Variants in RBFOX1 observed in about 807,000 individuals in gnomAD.
RBFOX1 encodes the protein RNA binding fox-1 homolog 1, also known as RNA binding protein fox-1 homolog 1.
RBFOX1 carries 8 observed loss-of-function variants against 57.7 expected under a neutral mutation model. That is an observed-to-expected ratio of 0.14 (90% confidence interval 0.08 to 0.25). RBFOX1 has a LOEUF of 0.25. Among genes scored for constraint, RBFOX1 ranks in the 10% least tolerant of loss-of-function variants. The probability of loss-of-function intolerance (pLI) is 1.00; values close to 1 mark genes in which losing one functional copy is unlikely to be tolerated. For synonymous variants in RBFOX1, 326 were observed against 222.4 expected (o/e 1.47, Z -4.15); for missense variants, 611 against 548.5 (o/e 1.11, Z -1.14).
At chr16:7,437,046 A>G (rs1029609993) in intron 4 of RBFOX1, among the ~76,000 whole-genome samples, 1 of 152,122 alleles carries the variant, frequency 6.6e-6, no homozygotes, top group African/African-American at 2.4e-5. Flanking sequence ...ACACCACTGC[A>G]CTCCAGCCTG....
chr16:6,494,313 A>G (rs2095707020), intron 2 of RBFOX1, among the ~76,000 whole-genome samples: 1 of 152,186 alleles, frequency 6.6e-6, no homozygotes, highest in Non-Finnish European at 1.5e-5. Flanking sequence ...GCCACAGGTA[A>G]GGTACTGAGC....
chr16:6,378,424 G>T (rs1271153969), intron 2 of RBFOX1, among the ~76,000 whole-genome samples: 1 of 152,202 alleles, frequency 6.6e-6, no homozygotes, highest in Non-Finnish European at 1.5e-5. Context: ...GCTGGAAGCA[G>T]CACCGATGGA....
At chr16:7,290,114 A>G (rs1317163871) in intron 4 of RBFOX1, among the ~76,000 whole-genome samples, 1 of 152,222 alleles carries the variant, frequency 6.6e-6, no homozygotes, top group East Asian at 1.9e-4. Flanking sequence ...ACCATTTTAG[A>G]AATAAATGTT....
At chr16:7,649,146 C>T (rs1639285748) in intron 11 of RBFOX1, among the ~76,000 whole-genome samples, 1 of 152,086 alleles carries the variant, frequency 6.6e-6, no homozygotes, top group South Asian at 2.1e-4. Context: ...ACTCCATAGA[C>T]AGTAGGATGT....
rs1729442942 is a variant in RBFOX1 at position 6,108,590 on chromosome 16, G to A, written c.-127+88598G>A. 2.6e-5 allele frequency among the ~76,000 whole-genome samples: 4 copies of A among 152,170 alleles called. No homozygotes were observed. In the South Asian group the frequency reaches 8.3e-4, roughly 32 times the overall value. On this transcript the variant is annotated intron_variant, in intron 1 of 15. Coordinates refer to ENST00000550418, the MANE Select transcript of RBFOX1 (RefSeq NM_018723.4). ...TATGGTGAGCTTATAAATGTTCTTT[G>A]GTGCAATAAATTGTCACACAGTTGG...
chr16:6,774,105 T>A, intron 3 of RBFOX1: 11 of 734,746 alleles, frequency 1.5e-5, no homozygotes, highest in Non-Finnish European at 1.8e-5. Context: ...AGAATTGGAC[T>A]TTTTGTAAAA....
At chr16:5,781,730 C>G (rs1395181191) in intron 3 of RBFOX1, among the ~76,000 whole-genome samples, 1 of 152,202 alleles carries the variant, frequency 6.6e-6, no homozygotes, top group Non-Finnish European at 1.5e-5. Flanking sequence ...TGAAAGCCCC[C>G]TTTTCTAGGG....
intron 1 of RBFOX1, among the ~76,000 whole-genome samples, chr16:6,275,184 G>A (rs995999400): frequency 7.2e-5 from 11 of 151,996 alleles, no homozygotes; most frequent in African/African-American, 1.4e-4. Flanking sequence ...GGTGGCGGGC[G>A]CCTGTAGTCC....
chr16:5,667,348 G>T (rs116089655), intron 3 of RBFOX1, among the ~76,000 whole-genome samples: 2,334 of 152,314 alleles, frequency 0.015, 74 homozygotes, highest in African/African-American at 0.052. Flanking sequence ...AACTTTGGCT[G>T]TGTCCTGTCA....
rs535503662 is a variant in RBFOX1, at chr16:6,434,302, T to C, written c.-64+117245T>C. Among the ~76,000 whole-genome samples, 90 of 152,272 alleles carry C rather than the reference T, an allele frequency of 5.9e-4. 1 individual carries two copies. In the South Asian group the frequency reaches 0.018, roughly 31 times the overall value. ...TTCTGGAGATGAGGACATGGACGTC[T>C]TTGAGAAAGGCCTTATTCCTCCTAC... On this transcript the variant is annotated intron_variant, in intron 2 of 15. Coordinates refer to ENST00000550418, the MANE Select transcript of RBFOX1 (RefSeq NM_018723.4).
chr16:5,777,949 A>G (rs2054199808), intron 3 of RBFOX1, among the ~76,000 whole-genome samples: 2 of 152,122 alleles, frequency 1.3e-5, no homozygotes, highest in Non-Finnish European at 2.9e-5. Context: ...CATAACCACC[A>G]TTTGAAGTAT....
chr16:6,051,722 C>A (rs937293918), intron 1 of RBFOX1, among the ~76,000 whole-genome samples: 2 of 152,132 alleles, frequency 1.3e-5, no homozygotes, highest in Admixed American at 1.3e-4. Flanking sequence ...TGCCACCATG[C>A]CCAGCTAATT....
intron 4 of RBFOX1, among the ~76,000 whole-genome samples, chr16:7,120,691 T>TG (rs200754098): frequency 1.6e-5 from 2 of 122,992 alleles, no homozygotes; most frequent in South Asian, 3.1e-4. Context: ...CATTTAATGT[T>TG]GGGAAAAAAA....
intron 3 of RBFOX1, among the ~76,000 whole-genome samples, chr16:6,699,875 G>C (rs2061570813): frequency 6.6e-6 from 1 of 152,140 alleles, no homozygotes; most frequent in Non-Finnish European, 1.5e-5. Flanking sequence ...TAGCTATTCT[G>C]CCACAAGTCC....
intron 3 of RBFOX1, among the ~76,000 whole-genome samples, chr16:5,678,570 G>A (rs538916273): frequency 6.6e-6 from 1 of 152,134 alleles, no homozygotes; most frequent in Non-Finnish European, 1.5e-5. Context: ...CATGGTGCTG[G>A]ATGGTTACGT....
At chr16:6,570,195 C>T (rs949235524) in intron 2 of RBFOX1, among the ~76,000 whole-genome samples, 1 of 152,158 alleles carries the variant, frequency 6.6e-6, no homozygotes, top group Non-Finnish European at 1.5e-5. Flanking sequence ...GACACGATTT[C>T]ATTGACCATG....
chr16:7,572,711 C>T (rs894957971), intron 5 of RBFOX1, among the ~76,000 whole-genome samples: 4 of 151,924 alleles, frequency 2.6e-5, no homozygotes, highest in African/African-American at 4.8e-5. Flanking sequence ...TAGTGGCTGG[C>T]GCCTGTAGTC....
At chr16:7,262,682 G>T (rs1360129216) in intron 4 of RBFOX1, among the ~76,000 whole-genome samples, 1 of 152,230 alleles carries the variant, frequency 6.6e-6, no homozygotes, top group Non-Finnish European at 1.5e-5. Flanking sequence ...AGGGCGTGGA[G>T]GTGTCCTGAA....
At chr16:6,331,660 G>T (rs970706998) in intron 2 of RBFOX1, among the ~76,000 whole-genome samples, 2 of 150,656 alleles carry the variant, frequency 1.3e-5, no homozygotes, top group African/African-American at 4.9e-5. Flanking sequence ...TTTCTATTCA[G>T]TGTTGCATAA....
Sources: allele counts gnomAD v4.1 joint callset (sites outside exome capture counted in the v4.1 genomes callset), GRCh38; gene constraint gnomAD v4.1.1; transcripts MANE v1.5; gene names NCBI Gene and HGNC (gene_info 2026-07-23, HGNC 2026-07-21).